Variants in KATNAL2 observed in about 807,000 individuals in gnomAD.
KATNAL2 encodes the protein katanin catalytic subunit A1 like 2, also known as katanin p60 ATPase-containing subunit A-like 2.
A neutral mutation model predicts 76.3 loss-of-function variants in KATNAL2; 52 were observed. The ratio of observed to expected loss-of-function variants is 0.68; its 90% CI spans 0.55 to 0.86. The LOEUF is 0.86. KATNAL2 is among the 40% of genes least tolerant of loss of function. The pLI, the probability that KATNAL2 is intolerant of heterozygous loss-of-function variation, is 0.00. For synonymous variants in KATNAL2, 243 were observed against 244.2 expected (o/e 1.00, Z 0.05); for missense variants, 660 against 668.9 (o/e 0.99, Z 0.15).
chr18:47,076,503 T>A (rs2062230272), intron 14 of KATNAL2: 1 of 152,184 alleles, frequency 6.6e-6, no homozygotes, highest in Non-Finnish European at 1.5e-5. Context: ...GTGTGCTTTG[T>A]CGAGCTCTGT....
intron 1 of KATNAL2, among the ~76,000 whole-genome samples, chr18:46,942,382 C>T (rs1331726352): frequency 2.6e-5 from 4 of 152,048 alleles, no homozygotes; most frequent in African/African-American, 4.8e-5. Context: ...TTTGGGAGGC[C>T]GAGGTGGGCG....
intron 3 of KATNAL2, chr18:47,035,244 C>A (rs369463598): frequency 1.2e-6 from 2 of 1,612,802 alleles, no homozygotes; most frequent in South Asian, 2.2e-5. Flanking sequence ...CTGCGTGCAG[C>A]GTAGTGGACC....
chr18:47,038,758 A>G (rs1307598276), intron 3 of KATNAL2, among the ~76,000 whole-genome samples: 1 of 152,246 alleles, frequency 6.6e-6, no homozygotes, highest in African/African-American at 2.4e-5. Context: ...TGTACCAAAA[A>G]ACTGAAGAAG....
chr18:46,934,919 T>G (rs1340933953), intron 1 of KATNAL2, among the ~76,000 whole-genome samples: 1 of 152,196 alleles, frequency 6.6e-6, no homozygotes, highest in African/African-American at 2.4e-5. Flanking sequence ...CTTTCCCCAT[T>G]GCTTGTTTTT....
At chr18:47,064,454 A>G (rs1035577864) in intron 10 of KATNAL2, among the ~76,000 whole-genome samples, 4 of 152,098 alleles carry the variant, frequency 2.6e-5, no homozygotes, top group Admixed American at 2.6e-4. Context: ...TGTGAGCAGT[A>G]CCCAGGGCTG....
chr18:47,068,290 C>G (rs1036047090), intron 11 of KATNAL2, among the ~76,000 whole-genome samples: 5 of 152,286 alleles, frequency 3.3e-5, no homozygotes, highest in South Asian at 2.1e-4. Context: ...TAGTCTTAAA[C>G]CACTGAGCCC....
At chr18:47,063,244 A>G in intron 9 of KATNAL2, 40 bp from the exon 10 acceptor site, 2 of 1,592,140 alleles carry the variant, frequency 1.3e-6, no homozygotes, top group Non-Finnish European at 1.7e-6. Flanking sequence ...TAAATTATGA[A>G]GCAATATTGT....
At chr18:47,081,913 T>G (rs928034261) in intron 15 of KATNAL2, among the ~76,000 whole-genome samples, 4 of 152,200 alleles carry the variant, frequency 2.6e-5, no homozygotes, top group Non-Finnish European at 5.9e-5. Context: ...TACGTATCTT[T>G]AAAAAGAGGC....
At chr18:47,052,209 T>A (rs2061358197) in intron 4 of KATNAL2, among the ~76,000 whole-genome samples, 1 of 152,220 alleles carries the variant, frequency 6.6e-6, no homozygotes, top group Admixed American at 6.5e-5. Flanking sequence ...TATTGGACAG[T>A]TTTACAACTG....
At chr18:46,941,222 A>C (rs1207898523) in intron 1 of KATNAL2, among the ~76,000 whole-genome samples, 2 of 146,052 alleles carry the variant, frequency 1.4e-5, no homozygotes, top group Non-Finnish European at 3.0e-5. Flanking sequence ...TACTGGGGGT[A>C]GGGGTAGGGG....
chr18:47,083,447 C>G (rs2062625169), intron 15 of KATNAL2, among the ~76,000 whole-genome samples: 1 of 152,182 alleles, frequency 6.6e-6, no homozygotes, highest in South Asian at 2.1e-4. Context: ...GTCCGGGGCA[C>G]TAGGCTATTC....
In KATNAL2 at chr18:46,946,205, A is replaced by G; in HGVS notation, c.-361A>G. 3 of 1,043,592 alleles carry G rather than the reference A, an allele frequency of 2.9e-6. No homozygotes were observed. The highest frequency in any genetic ancestry group is 3.5e-6 in the Non-Finnish European group (3 of 862,378). The allele number at this position is 1,043,592 out of a possible 1,614,324, so 64.6% of individuals were successfully genotyped here. A position where few individuals can be genotyped will look rare whatever the true frequency, so the allele number is the denominator to read the frequency against. ...GAAGGGAAAGACATTGAAGAAACAG[A>G]CTAGTTAACACATGAAAAAAATAGA... On this transcript the variant is annotated 5_prime_UTR_variant, in exon 2 of 18. Transcript: ENST00000683218.
At chr18:47,033,082 C>T (rs1172146243) in intron 3 of KATNAL2, 11 of 1,614,088 alleles carry the variant, frequency 6.8e-6, no homozygotes, top group East Asian at 6.7e-5. Context: ...AGCCTGTTTC[C>T]GGGTTTTGGC....
At chr18:47,082,479 G>A (rs1174831314) in intron 15 of KATNAL2, among the ~76,000 whole-genome samples, 2 of 151,980 alleles carry the variant, frequency 1.3e-5, no homozygotes, top group African/African-American at 4.8e-5. Flanking sequence ...AACTCACAAT[G>A]TTTATTAAAA....
intron 15 of KATNAL2, among the ~76,000 whole-genome samples, chr18:47,086,797 T>C (rs2062795488): frequency 6.6e-6 from 1 of 152,168 alleles, no homozygotes; most frequent in African/African-American, 2.4e-5. Context: ...ATTTGGTAGG[T>C]CCAGTGGGGA....
chr18:47,042,119 C>T (rs756438715), intron 3 of KATNAL2, among the ~76,000 whole-genome samples: 8 of 152,078 alleles, frequency 5.3e-5, no homozygotes, highest in Non-Finnish European at 7.4e-5. Flanking sequence ...TTATCAGATA[C>T]GTCCTTTGCA....
intron 15 of KATNAL2, among the ~76,000 whole-genome samples, chr18:47,088,967 T>G (rs1489476299): frequency 2.0e-5 from 3 of 152,232 alleles, no homozygotes; most frequent in Non-Finnish European, 4.4e-5. Context: ...ATTTCCCTGG[T>G]GCCTTCCATT....
rs2059377341 is a variant in KATNAL2 at position 46,946,138 on chromosome 18, A to T, written c.-428A>T. 2.5e-6 allele frequency: 2 copies of T among 799,554 alleles called. No homozygotes were observed. Among genetic ancestry groups the T allele is most frequent in the East Asian group, 1.2e-4 (1 of 8,094 alleles). 49.5% of individuals were successfully genotyped at this position (799,554 alleles called of 1,614,324 possible). On this transcript the variant is annotated 5_prime_UTR_variant, in exon 2 of 18. It removes an upstream start codon present in the reference 5' UTR. Transcript: ENST00000683218. ...TGGATGAAGAAGACCGAAGATAATG[A>T]TGAAGGGATAATTTGGAATAGGATT...
rs751646006 is a variant in KATNAL2, at chr18:47,069,241, A to T, written c.847A>T (p.Ile283Phe). The part of the protein sequence containing the change: ...PIRYPQLFTG[I>F]LSPWKGLLLY... Reference sequence around the variant, plus strand: ...TTAGTATCCACAGCTATTTACAGGAATTCTTTCTCCCTGGAAAGGACTACT... The same window carrying T: ...TTAGTATCCACAGCTATTTACAGGATTTCTTTCTCCCTGGAAAGGACTACT... The change falls in exon 12 of 18, where the codon ATT becomes TTT. Residue 283 changes from isoleucine (I) to phenylalanine (F), a missense_variant. Ile to Phe is a conservative substitution (Grantham distance 21). Transcript: ENST00000683218. 48 of 1,611,126 alleles carry T rather than the reference A, an allele frequency of 3.0e-5. No homozygotes were observed. Among genetic ancestry groups the T allele is most frequent in the Non-Finnish European group, 3.9e-5 (46 of 1,178,812 alleles).
Sources: allele counts gnomAD v4.1 joint callset (sites outside exome capture counted in the v4.1 genomes callset), GRCh38; gene constraint gnomAD v4.1.1; transcripts MANE v1.5; gene names NCBI Gene and HGNC (gene_info 2026-07-23, HGNC 2026-07-21).